The following ZNF609 variants were observed in gnomAD, a reference collection of about 807,000 sequenced individuals.
ZNF609 encodes the protein zinc finger protein 609.
A neutral mutation model predicts 109.5 loss-of-function variants in ZNF609; 11 were observed. The ratio of observed to expected loss-of-function variants is 0.10; its 90% confidence interval spans 0.06 to 0.17. The LOEUF (loss-of-function observed/expected upper bound fraction) is 0.17, where lower values mean the gene tolerates loss of function less well. Among genes scored for constraint, ZNF609 ranks in the 10% least tolerant of loss-of-function variants. The pLI is 1.00. For missense variants in ZNF609, 1,559 were observed against 1,772.4 expected (o/e 0.88, Z 2.16); for synonymous variants, 646 against 662.0 (o/e 0.98, Z 0.37).
chr15:64,461,957 C>T (rs1892947854), intron 1 of ZNF609, among the ~76,000 whole-genome samples: 1 of 152,184 alleles, frequency 6.6e-6, no homozygotes, highest in Admixed American at 6.5e-5. Context: ...CTGCCACACA[C>T]AATAGTCGTG....
chr15:64,606,109 T>C (rs970616235), intron 2 of ZNF609, among the ~76,000 whole-genome samples: 1 of 146,550 alleles, frequency 6.8e-6, no homozygotes, highest in Admixed American at 6.7e-5. Flanking sequence ...ATTTTAAATG[T>C]ATTTATTTAT....
intron 2 of ZNF609, among the ~76,000 whole-genome samples, chr15:64,569,989 A>ATCTTACAATATCTCTATGAGATAGGAACT (rs1421099543): frequency 6.6e-6 from 1 of 152,164 alleles, no homozygotes; most frequent in African/African-American, 2.4e-5. Context: ...CCTAGATCAC[A>ATCTTACAATATCTCTATGAGATAGGAACT]TCTTACAATA....
At chr15:64,570,424 C>T (rs1249564816) in intron 2 of ZNF609, among the ~76,000 whole-genome samples, 1 of 152,168 alleles carries the variant, frequency 6.6e-6, no homozygotes, top group African/African-American at 2.4e-5. Context: ...AAAACAGTTC[C>T]TGGTGGCCTT....
At chr15:64,504,709 G>T (rs1488626925) in intron 2 of ZNF609, among the ~76,000 whole-genome samples, 1 of 150,720 alleles carries the variant, frequency 6.6e-6, no homozygotes, top group Non-Finnish European at 1.5e-5. Context: ...TCAAATTCCT[G>T]ACTTCAAGTG....
At chr15:64,548,316 A>G (rs1024690007) in intron 2 of ZNF609, among the ~76,000 whole-genome samples, 12 of 152,246 alleles carry the variant, frequency 7.9e-5, no homozygotes, top group Non-Finnish European at 1.8e-4. Flanking sequence ...AGGAAATAAA[A>G]AAGGTGCCAC....
At chr15:64,657,086 C>T (rs958453614) in intron 3 of ZNF609, among the ~76,000 whole-genome samples, 2 of 151,416 alleles carry the variant, frequency 1.3e-5, no homozygotes, top group African/African-American at 2.4e-5. Flanking sequence ...TGGCGAAACC[C>T]GTCTCTACTA....
At position 64,674,484 on chromosome 15, in the gene ZNF609, G is replaced by T. The variant is rs766328366; in HGVS notation, c.1630G>T (p.Asp544Tyr). The part of the protein sequence containing the change: ...EYGEEPILHA[D>Y]LGSCNGASVS... ...CGGAGAGGAACCTATTCTCCATGCA[G>T]ATCTTGGGAGCTGCAACGGTGCATC... Residue 544 changes from aspartate (D) to tyrosine (Y), a missense_variant, in exon 5 of 10, where the codon GAT becomes TAT. Around this residue, in one of 4 missense-constraint regions of ZNF609, gnomAD observed 1,204 missense variants for 1,314.1 expected, o/e 0.92. Transcript: ENST00000326648. 2 of 1,614,188 alleles carry T rather than the reference G, an allele frequency of 1.2e-6. No individual in the cohort carries two copies. Among genetic ancestry groups the T allele is most frequent in the South Asian group, 2.2e-5 (2 of 91,082 alleles).
At chr15:64,581,439 A>G (rs919947849) in intron 2 of ZNF609, among the ~76,000 whole-genome samples, 1 of 151,932 alleles carries the variant, frequency 6.6e-6, no homozygotes, top group Admixed American at 6.6e-5. Context: ...TTTTTTGGTC[A>G]GGCAGCCACA....
rs147230020 is a variant in ZNF609 at position 64,674,728 on chromosome 15, A to G, written c.1874A>G (p.Asp625Gly). The G allele has an allele frequency of 1.5e-4, 249 of 1,614,044 alleles. No homozygotes were observed. Among genetic ancestry groups the G allele is most frequent in the Non-Finnish European group, 2.0e-4 (239 of 1,180,052 alleles). ...VMDETSNDAFDSLERKCMEKE... is the reference protein window; with the variant it reads ...VMDETSNDAFGSLERKCMEKE... ...GATGAAACAAGCAATGATGCCTTTG[A>G]TTCTTTAGAAAGGAAGTGTATGGAA... The change falls in exon 5 of 10, where the codon GAT becomes GGT. Residue 625 changes from aspartate (D) to glycine (G), a missense_variant. Physicochemically the swap from Asp to Gly is moderately conservative, Grantham distance 94. This residue lies in a region of ZNF609 where 1,204 missense variants were observed against 1,314.1 expected (regional missense o/e 0.92). Transcript: ENST00000326648.
At chr15:64,570,693 C>T (rs1252312801) in intron 2 of ZNF609, among the ~76,000 whole-genome samples, 2 of 152,086 alleles carry the variant, frequency 1.3e-5, no homozygotes, top group Non-Finnish European at 2.9e-5. Context: ...GAGTTCACTC[C>T]TATTATTTTC....
At position 64,532,699 on chromosome 15, in the gene ZNF609, C is replaced by T. The variant is rs1413567204; in HGVS notation, c.747+32533C>T. Among the ~76,000 whole-genome samples the T allele has an allele frequency of 3.3e-5, 5 of 152,266 alleles. No homozygotes were observed. The South Asian group carries it at 8.3e-4, about 25-fold the overall frequency. On this transcript the variant is annotated intron_variant, in intron 2 of 9. Transcript: ENST00000326648. The stretch of plus-strand genomic sequence containing the variant: ...GACATCTTTATGGTGAGCTTCACAG[C>T]GAGATGACTGTTAAGTTGGGAAACC...
chr15:64,665,443 G>T (rs1484127667), intron 3 of ZNF609, among the ~76,000 whole-genome samples: 1 of 152,084 alleles, frequency 6.6e-6, no homozygotes, highest in Non-Finnish European at 1.5e-5. Context: ...CCCACTTATG[G>T]CCTGCCTTCC....
chr15:64,609,481 G>T (rs540950629), intron 2 of ZNF609, among the ~76,000 whole-genome samples: 1 of 149,712 alleles, frequency 6.7e-6, no homozygotes, highest in East Asian at 2.0e-4. Context: ...GCGCCCGGCC[G>T]TATTTTTTTA....
intron 2 of ZNF609, among the ~76,000 whole-genome samples, chr15:64,586,035 A>C (rs1240593909): frequency 1.3e-5 from 2 of 151,916 alleles, no homozygotes; most frequent in Non-Finnish European, 2.9e-5. Context: ...TAGAAATGGG[A>C]TCTTGCCGGC....
At chr15:64,482,506 C>T (rs1364279493) in intron 1 of ZNF609, among the ~76,000 whole-genome samples, 1 of 151,936 alleles carries the variant, frequency 6.6e-6, no homozygotes, top group African/African-American at 2.4e-5. Context: ...AGTATAGTAC[C>T]TTAAATTGTA....
At chr15:64,656,266 G>A (rs1896486185) in intron 3 of ZNF609, among the ~76,000 whole-genome samples, 1 of 152,104 alleles carries the variant, frequency 6.6e-6, no homozygotes, top group Non-Finnish European at 1.5e-5. Context: ...GTTTTACCAT[G>A]TTGCCCAGGC....
chr15:64,680,453 C>G, intron 7 of ZNF609, 93 bp downstream of exon 7: 3 of 1,494,276 alleles, frequency 2.0e-6, no homozygotes, highest in South Asian at 2.5e-5. Context: ...AGGTCCTGAC[C>G]ACAGTGCAGC....
intron 2 of ZNF609, among the ~76,000 whole-genome samples, chr15:64,529,970 T>G (rs1203702175): frequency 2.6e-5 from 4 of 151,852 alleles, no homozygotes; most frequent in Non-Finnish European, 5.9e-5. Context: ...CCTCAGGTGA[T>G]CCACCCACCT....
intron 2 of ZNF609, among the ~76,000 whole-genome samples, chr15:64,605,697 TTAAA>T (rs376841827): frequency 1.3e-4 from 20 of 152,100 alleles, no homozygotes; most frequent in African/African-American, 4.8e-4. Flanking sequence ...TAACCAGCTG[TTAAA>T]TAATAGAGCT....
Sources: allele counts gnomAD v4.1 joint callset (sites outside exome capture counted in the v4.1 genomes callset), GRCh38; gene constraint gnomAD v4.1.1; regional missense constraint gnomAD v4.1.1; transcripts MANE v1.5; gene names NCBI Gene and HGNC (gene_info 2026-07-23, HGNC 2026-07-21).